GSE1: variants seen among roughly 807,000 people sequenced by gnomAD.
GSE1 encodes the protein Gse1 coiled-coil protein.
In GSE1, 32 loss-of-function variants were observed where a neutral mutation model predicts 112.6. The ratio of observed to expected loss-of-function variants is 0.28; its 90% CI spans 0.21 to 0.38. The LOEUF is 0.38. GSE1 is among the 10% of genes least tolerant of loss of function. GSE1 has a pLI of 1.00. For missense variants in GSE1, 2,348 were observed against 1,699.2 expected, an observed-to-expected ratio of 1.38 and a Z score of -6.71; for synonymous variants, 1,115 against 735.6, an observed-to-expected ratio of 1.52 and a Z score of -8.35.
chr16:85,578,085 T>C (rs1380052423), intron 1 of GSE1, among the ~76,000 whole-genome samples: 1 of 152,224 alleles, frequency 6.6e-6, no homozygotes, highest in Admixed American at 6.5e-5. Context: ...AGTTCTTCCG[T>C]TGAATTCCGG....
chr16:85,654,499 G>C, intron 4 of GSE1, 49 bp downstream of exon 4: 4 of 1,481,502 alleles, frequency 2.7e-6, no homozygotes, highest in Non-Finnish European at 3.7e-6. Context: ...TGGGGACACA[G>C]TGCTCAGGGT....
intron 2 of GSE1, among the ~76,000 whole-genome samples, chr16:85,644,979 A>G (rs1047447831): frequency 2.0e-5 from 3 of 151,994 alleles, no homozygotes; most frequent in Non-Finnish European, 4.4e-5. Flanking sequence ...CAGTGTCCAG[A>G]ACGAACCCAC....
At chr16:85,629,350 G>C (rs894671130) in intron 1 of GSE1, among the ~76,000 whole-genome samples, 3 of 152,238 alleles carry the variant, frequency 2.0e-5, no homozygotes, top group African/African-American at 7.2e-5. Context: ...GGCCACAGGA[G>C]AGAGAATTGG....
chr16:85,600,616 A>G (rs2047423510), intron 1 of GSE1, among the ~76,000 whole-genome samples: 2 of 151,706 alleles, frequency 1.3e-5, no homozygotes, highest in African/African-American at 4.8e-5. Flanking sequence ...ACACACCCCA[A>G]AAACCCAGCA....
chr16:85,322,577 G>C (rs2046131475), intron 1 of GSE1, among the ~76,000 whole-genome samples: 1 of 150,932 alleles, frequency 6.6e-6, no homozygotes, highest in African/African-American at 2.4e-5. Flanking sequence ...CAGCCCTCTT[G>C]GGTGACTTTG....
intron 1 of GSE1, among the ~76,000 whole-genome samples, chr16:85,209,452 C>G (rs954826492): frequency 5.9e-5 from 9 of 152,198 alleles, no homozygotes; most frequent in African/African-American, 2.2e-4. Context: ...TTCTTGAAGT[C>G]TTCTGCATCT....
In GSE1 at chr16:85,468,380, G is replaced by A. The variant is rs143834351; in HGVS notation, c.2464+110737G>A. On this transcript the variant is annotated intron_variant, in intron 2 of 2. Transcript: ENST00000637419. Reference sequence around the variant, plus strand: ...CACCCAGGCTGGAGTGCGGTGACGCGACCTTAACTCACTGCAACCTCCACC... The same window carrying A: ...CACCCAGGCTGGAGTGCGGTGACGCAACCTTAACTCACTGCAACCTCCACC... Among the ~76,000 whole-genome samples, 1,328 of 146,152 alleles carry A rather than the reference G, an allele frequency of 9.1e-3. 11 individuals carry two copies. Among genetic ancestry groups the A allele is most frequent in the Non-Finnish European group, 0.013 (885 of 67,180 alleles).
chr16:85,218,721 G>C (rs1281227636), intron 1 of GSE1, among the ~76,000 whole-genome samples: 2 of 152,240 alleles, frequency 1.3e-5, no homozygotes, highest in Non-Finnish European at 2.9e-5. Context: ...GCCTTCTGCA[G>C]GTCCTGCTCT....
chr16:85,430,358 C>T (rs750905964), intron 2 of GSE1, among the ~76,000 whole-genome samples: 1 of 152,174 alleles, frequency 6.6e-6, no homozygotes, highest in Non-Finnish European at 1.5e-5. Context: ...CCCGTGCAGT[C>T]CTCATTCCCA....
chr16:85,666,714 T>C (rs1238711759), intron 13 of GSE1: 4 of 254,692 alleles, frequency 1.6e-5, no homozygotes, highest in Non-Finnish European at 3.1e-5. Flanking sequence ...CGCATTCATT[T>C]GAAAGAATCA....
chr16:85,318,643 T>G (rs772599950), intron 1 of GSE1, among the ~76,000 whole-genome samples: 54 of 152,156 alleles, frequency 3.5e-4, no homozygotes, highest in Non-Finnish European at 7.6e-4. Context: ...CAGTGGTGGT[T>G]GTGGGGCACA....
At chr16:85,238,494 C>T (rs1325119733) in intron 1 of GSE1, among the ~76,000 whole-genome samples, 3 of 152,152 alleles carry the variant, frequency 2.0e-5, no homozygotes, top group African/African-American at 7.2e-5. Flanking sequence ...GCGTGAGGGC[C>T]GCCCTGGCCT....
intron 14 of GSE1, among the ~76,000 whole-genome samples, chr16:85,669,330 G>A (rs1443310979): frequency 2.0e-5 from 3 of 152,180 alleles, no homozygotes; most frequent in African/African-American, 4.8e-5. Context: ...TGACAGTGTT[G>A]TAAATATCAT....
chr16:85,209,481 C>T (rs963204160), intron 1 of GSE1, among the ~76,000 whole-genome samples: 3 of 152,154 alleles, frequency 2.0e-5, no homozygotes, highest in South Asian at 2.1e-4. Context: ...CCCCAGCTGG[C>T]GTGCATCCCC....
chr16:85,608,351 G>A (rs548745287), upstream of GSE1, among the ~76,000 whole-genome samples: 20 of 152,282 alleles, frequency 1.3e-4, no homozygotes, highest in African/African-American at 3.6e-4. Flanking sequence ...CCCCTGCACC[G>A]GGGCTGGTAG....
At chr16:85,626,284 G>C (rs1171218909) in intron 1 of GSE1, among the ~76,000 whole-genome samples, 1 of 152,236 alleles carries the variant, frequency 6.6e-6, no homozygotes, top group Non-Finnish European at 1.5e-5. Flanking sequence ...GTGGAGGGCA[G>C]ATATGATAAT....
At chr16:85,246,506 C>G (rs1019736160) in intron 1 of GSE1, among the ~76,000 whole-genome samples, 1 of 95,500 alleles carries the variant, frequency 1.0e-5, no homozygotes, top group African/African-American at 3.5e-5. Flanking sequence ...ACACACCCCC[C>G]CCCCCCCGAC....
At chr16:85,184,971 G>C (rs965122731) in intron 1 of GSE1, 2 of 152,184 alleles carry the variant, frequency 1.3e-5, no homozygotes, top group East Asian at 3.8e-4. Flanking sequence ...AAATTGTCTA[G>C]GTCATTAACT....
intron 1 of GSE1, among the ~76,000 whole-genome samples, chr16:85,202,326 C>T (rs1016246079): frequency 2.0e-5 from 3 of 152,266 alleles, no homozygotes; most frequent in Admixed American, 2.0e-4. Flanking sequence ...TCATTCTTCC[C>T]CGTTTGTGCC....
Sources: allele counts gnomAD v4.1 joint callset (sites outside exome capture counted in the v4.1 genomes callset), GRCh38; gene constraint gnomAD v4.1.1; transcripts MANE v1.5; gene names NCBI Gene and HGNC (gene_info 2026-07-23, HGNC 2026-07-21).